STAT4: variants seen among roughly 807,000 people sequenced by gnomAD.
The protein encoded by STAT4 is signal transducer and activator of transcription 4.
A neutral mutation model predicts 110.5 loss-of-function variants in STAT4; 42 were observed. That is an observed-to-expected ratio of 0.38 (90% confidence interval 0.30 to 0.49). The LOEUF is 0.49. Ranked by LOEUF, STAT4 falls within the 20% of genes least tolerant of loss-of-function variation. STAT4 has a pLI of 0.95. For missense variants in STAT4, 632 were observed against 887.9 expected, an observed-to-expected ratio of 0.71 and a Z score of 3.66; for synonymous variants, 284 against 302.2, an observed-to-expected ratio of 0.94 and a Z score of 0.63.
rs1045671251 is a variant in STAT4 at position 191,090,520 on chromosome 2, A to G, written c.274-14195T>C. ...CTAGCTAAAAATTAGCTGCAGGTAT[A>G]TATAGCTTGTCTTACCTTATTTATT... On this transcript the variant is annotated intron_variant, in intron 3 of 23. Transcript: ENST00000392320. This position sits in a 1 kb window ranked among gnomAD's most constrained non-coding sequence, Gnocchi z 4.2. Among the ~76,000 whole-genome samples, 4 of 152,070 alleles carry G rather than the reference A, an allele frequency of 2.6e-5. No homozygotes were observed. Among genetic ancestry groups the G allele is most frequent in the African/African-American group, 9.7e-5 (4 of 41,420 alleles).
rs1395897326 is a variant in STAT4 at position 191,032,720 on chromosome 2, C to T, written c.2044+238G>A. 2 of 463,964 alleles carry T rather than the reference C, an allele frequency of 4.3e-6. No individual in the cohort carries two copies. The allele number at this position is 463,964 out of a possible 1,614,324, so 28.7% of individuals were successfully genotyped here. ...AAGTGGCTATGAGAGGCCCCCATGG[C>T]CATGGTGAAGTTTAGTTACAGCTGC... On this transcript the variant is annotated intron_variant, in intron 21 of 23. Coordinates refer to ENST00000392320, the MANE Select transcript of STAT4 (RefSeq NM_003151.4). This position sits in a 1 kb window ranked among gnomAD's most constrained non-coding sequence, Gnocchi z 4.9.
chr2:191,064,836 G>A lies in STAT4; in HGVS notation c.753C>T (p.Leu251=). The A allele has an allele frequency of 6.2e-7, 1 of 1,613,344 alleles. No homozygotes were observed. The highest frequency in any genetic ancestry group is 8.5e-7 in the Non-Finnish European group (1 of 1,179,624). ...RQQIACIGGP[L]HNGLDQLQNC... ...TCTGAAGCTGGTCGAGCCCATTGTG[G>A]AGTGGACCCCCGATGCAGGCGATTT... Residue 251 remains leucine (L), a synonymous_variant, in exon 8 of 24, where the codon CTC becomes CTT. Transcript: ENST00000392320.
rs1231660196 is a variant in STAT4 at position 191,039,986 on chromosome 2, A to T, written c.1336-689T>A. Among the ~76,000 whole-genome samples the T allele has an allele frequency of 6.6e-6, 1 of 152,252 alleles. No homozygotes were observed. The highest frequency in any genetic ancestry group is 2.4e-5 in the African/African-American group (1 of 41,474). On this transcript the variant is annotated intron_variant, in intron 15 of 23. Coordinates refer to ENST00000392320, the MANE Select transcript of STAT4 (RefSeq NM_003151.4). The surrounding 1 kb of genome is among the most constrained non-coding windows in gnomAD (Gnocchi z 4.7). ...CATTTGAGGAACTTTAACAACTCAT[A>T]AAAACAGAGGTTTAGGGAAAGGAGG...
At chr2:191,036,895 A>G (rs1696061419) in intron 16 of STAT4, among the ~76,000 whole-genome samples, 1 of 152,192 alleles carries the variant, frequency 6.6e-6, no homozygotes, top group Non-Finnish European at 1.5e-5. Flanking sequence ...TGGCCAACCT[A>G]AGTAAACATA....
At chr2:191,127,956 T>A (rs1574183501) in intron 3 of STAT4, among the ~76,000 whole-genome samples, 2 of 152,000 alleles carry the variant, frequency 1.3e-5, no homozygotes, top group Non-Finnish European at 2.9e-5. Context: ...GTGGTTGGAG[T>A]CTTCCGTTGA....
In STAT4 at chr2:191,112,611, A is replaced by C. The variant is rs1323387405; in HGVS notation, c.273+34002T>G. On this transcript the variant is annotated intron_variant, in intron 3 of 23. Coordinates refer to ENST00000392320, the MANE Select transcript of STAT4 (RefSeq NM_003151.4). The surrounding 1 kb of genome is among the most constrained non-coding windows in gnomAD (Gnocchi z 4.3). ...AAAGAAGCAATGAATCAATCTAAGA[A>C]AAAAGAAGCTTTTGTTATTACTGTT... 2.0e-5 allele frequency among the ~76,000 whole-genome samples: 3 copies of C among 152,260 alleles called. No homozygotes were observed. Among genetic ancestry groups the C allele is most frequent in the Non-Finnish European group, 4.4e-5 (3 of 68,042 alleles).
chr2:191,146,604 C>CA lies in STAT4; in HGVS notation c.273+8dup. 6.7e-7 allele frequency: 1 copy of CA among 1,492,484 alleles called. No individual in the cohort carries two copies. The highest frequency in any genetic ancestry group is 8.9e-7 in the Non-Finnish European group (1 of 1,120,556). The allele number at this position is 1,492,484 out of a possible 1,614,324, so 92.5% of individuals were successfully genotyped here. A position where few individuals can be genotyped will look rare whatever the true frequency, so the allele number is the denominator to read the frequency against. ...CCAAATATTTTGGAAAAGTAGAATG[C>CA]ATTCTTACCTGAAGGACCTTCCTAA... On this transcript the variant is annotated intron_variant, in intron 3 of 23. Coordinates refer to ENST00000392320, the MANE Select transcript of STAT4 (RefSeq NM_003151.4). This position sits in a 1 kb window ranked among gnomAD's most constrained non-coding sequence, Gnocchi z 4.5.
rs141128652 is a variant in STAT4 at position 191,146,906 on chromosome 2, C to T, written c.129-149G>A. The T allele has an allele frequency of 1.1e-4, 76 of 679,524 alleles. No homozygotes were observed. In the African/African-American group the frequency reaches 1.3e-3, roughly 11 times the overall value. The allele number at this position is 679,524 out of a possible 1,614,324, so 42.1% of individuals were successfully genotyped here. On this transcript the variant is annotated intron_variant, in intron 2 of 23. Coordinates refer to ENST00000392320, the MANE Select transcript of STAT4 (RefSeq NM_003151.4). This position sits in a 1 kb window ranked among gnomAD's most constrained non-coding sequence, Gnocchi z 4.5. Reference sequence around the variant, plus strand: ...ATTAAATTGTTAACATGAAGAGATGCTCAACATCACTAATCATTAGGGAAT... The same window carrying T: ...ATTAAATTGTTAACATGAAGAGATGTTCAACATCACTAATCATTAGGGAAT...
At chr2:191,064,700 C>G in intron 8 of STAT4, 107 bp downstream of exon 8, 1 of 1,342,902 alleles carries the variant, frequency 7.4e-7, no homozygotes, top group African/African-American at 1.5e-5. Context: ...CATCAATAAA[C>G]TGAATGAACT....
chr2:191,058,730 C>A lies in STAT4; in HGVS notation c.1074G>T (p.Lys358Asn). ...CTTACTTGTCAATTGATGCCTTAAC[C>A]TTTACCTGATAGTTTAGTTCTGGCA... ...IKLPELNYQV[K>N]VKASIDKNVS... The change falls in exon 11 of 24, where the codon AAG becomes AAT. Residue 358 changes from lysine to asparagine, a missense_variant. Transcript: ENST00000392320. The surrounding 1 kb of genome is among the most constrained non-coding windows in gnomAD (Gnocchi z 4.3). 1.3e-6 allele frequency: 2 copies of A among 1,592,690 alleles called. No individual in the cohort carries two copies. The highest frequency in any genetic ancestry group is 2.3e-5 in the East Asian group (1 of 44,182).
chr2:191,125,241 T>C (rs1698844763), intron 3 of STAT4, among the ~76,000 whole-genome samples: 1 of 152,106 alleles, frequency 6.6e-6, no homozygotes, highest in African/African-American at 2.4e-5. Context: ...AGGTCACAGA[T>C]TAAACGATAG....
At chr2:191,098,305 C>T (rs1698062170) in intron 3 of STAT4, among the ~76,000 whole-genome samples, 1 of 152,204 alleles carries the variant, frequency 6.6e-6, no homozygotes, top group Admixed American at 6.5e-5. Flanking sequence ...TATAAAGACA[C>T]ATGCACACGT....
rs1181444289 is a variant in STAT4, at chr2:191,030,965, A to T, written c.2220+7T>A. 3 of 1,611,844 alleles carry T rather than the reference A, an allele frequency of 1.9e-6. No individual in the cohort carries two copies. The highest frequency in any genetic ancestry group is 2.5e-6 in the Non-Finnish European group (3 of 1,177,940). On this transcript the variant is annotated splice_region_variant and intron_variant, in intron 23 of 23. Transcript: ENST00000392320. This position sits in a 1 kb window ranked among gnomAD's most constrained non-coding sequence, Gnocchi z 4.4. ...TTGACCAGCAATGGAAAATAAAGGG[A>T]ACATACTGCAGTTTCAATTGTTGTG... is the stretch of plus-strand genomic sequence containing the variant.
chr2:191,148,315 C>CA, intron 1 of STAT4, 111 bp from the exon 2 acceptor site: 1 of 1,346,726 alleles, frequency 7.4e-7, no homozygotes, highest in South Asian at 1.5e-5. Context: ...CCAATATATC[C>CA]AAGGATACAA....
At chr2:191,041,532 C>T (rs2125165897) in intron 14 of STAT4, 1 of 152,334 alleles carries the variant, frequency 6.6e-6, no homozygotes, top group East Asian at 1.9e-4. Flanking sequence ...GTCTTAGTGT[C>T]ACAATGAATC....
intron 3 of STAT4, among the ~76,000 whole-genome samples, chr2:191,081,748 G>A (rs1697486948): frequency 6.6e-6 from 1 of 152,148 alleles, no homozygotes; most frequent in African/African-American, 2.4e-5. Context: ...GCAATCAGCA[G>A]TTAGACATAA....
At chr2:191,080,366 A>G (rs191427776) in intron 3 of STAT4, among the ~76,000 whole-genome samples, 1 of 152,230 alleles carries the variant, frequency 6.6e-6, no homozygotes, top group Admixed American at 6.5e-5. Flanking sequence ...TTTAGAGTTC[A>G]ATTTTTCTGA....
intron 5 of STAT4, among the ~76,000 whole-genome samples, chr2:191,070,457 C>G (rs1697114686): frequency 6.6e-6 from 1 of 152,146 alleles, no homozygotes; most frequent in Non-Finnish European, 1.5e-5. Flanking sequence ...TGAAGTAACT[C>G]ACTTGTCCAA....
At chr2:191,124,671 C>T (rs193180406) in intron 3 of STAT4, among the ~76,000 whole-genome samples, 1 of 152,082 alleles carries the variant, frequency 6.6e-6, no homozygotes, top group South Asian at 2.1e-4. Context: ...TGTCCCACCT[C>T]CCTCCCTAAA....
Sources: allele counts gnomAD v4.1 joint callset (sites outside exome capture counted in the v4.1 genomes callset), GRCh38; gene constraint gnomAD v4.1.1; non-coding constraint Gnocchi (gnomAD v3.1); transcripts MANE v1.5; gene names NCBI Gene and HGNC (gene_info 2026-07-23, HGNC 2026-07-21).